Variants in RNF216 observed in about 807,000 individuals in gnomAD.
RNF216 encodes E3 ubiquitin-protein ligase RNF216.
RNF216 carries 72 observed loss-of-function variants against 110.8 expected under a neutral mutation model. That is an observed-to-expected ratio of 0.65 (90% confidence interval 0.54 to 0.79). RNF216 has a LOEUF of 0.79. Among genes scored for constraint, RNF216 ranks in the 30% least tolerant of loss-of-function variants. The pLI is 0.00. For missense variants in RNF216, 1,342 were observed against 1,141.2 expected (o/e 1.18, Z -2.54); for synonymous variants, 495 against 407.5 (o/e 1.21, Z -2.59).
At position 5,623,183 on chromosome 7, in the gene RNF216, A is replaced by G; in HGVS notation, c.2453-4T>C. The G allele has an allele frequency of 6.5e-7, 1 of 1,545,962 alleles. No individual in the cohort carries two copies. Among genetic ancestry groups the G allele is most frequent in the Admixed American group, 1.9e-5 (1 of 53,716 alleles). On this transcript the variant is annotated splice_region_variant and splice_polypyrimidine_tract_variant and intron_variant, in intron 16 of 16. Transcript: ENST00000389902. ...CCAATGCGTTTGAAGGTGTTCTCTG[A>G]AAGGGATGTGGGGATTAGTGGAGAA...
intron 5 of RNF216, among the ~76,000 whole-genome samples, chr7:5,737,822 G>C (rs758860045): frequency 5.9e-5 from 9 of 152,048 alleles, no homozygotes; most frequent in Non-Finnish European, 1.3e-4. Flanking sequence ...GAGCACGGTG[G>C]CTTATGGCTG....
At chr7:5,664,045 G>T (rs778637618) in intron 13 of RNF216, among the ~76,000 whole-genome samples, 1 of 152,156 alleles carries the variant, frequency 6.6e-6, no homozygotes, top group Admixed American at 6.5e-5. Flanking sequence ...TACATCTCAG[G>T]TATCTTTGGA....
chr7:5,704,079 A>G (rs902661320), intron 13 of RNF216, among the ~76,000 whole-genome samples: 10 of 152,226 alleles, frequency 6.6e-5, no homozygotes, highest in Non-Finnish European at 1.0e-4. Context: ...GGGAGCTGAG[A>G]GCCTTGACAA....
rs1004067542 is a variant in RNF216 at position 5,633,836 on chromosome 7, T to G, written c.2382+7318A>C. 4.6e-5 allele frequency among the ~76,000 whole-genome samples: 7 copies of G among 152,076 alleles called. No homozygotes were observed. The East Asian group carries it at 9.7e-4, about 21-fold the overall frequency. ...CTGCACTTGAAGACGGCAAGTGAGGTAGAATTTACCAGAGAGGTTTTAATT... is the reference window on the plus strand; with the variant it reads ...CTGCACTTGAAGACGGCAAGTGAGGGAGAATTTACCAGAGAGGTTTTAATT... On this transcript the variant is annotated intron_variant, in intron 15 of 16. Coordinates refer to ENST00000389902, the MANE Select transcript of RNF216 (RefSeq NM_207111.4).
intron 1 of RNF216, among the ~76,000 whole-genome samples, chr7:5,765,563 G>C (rs567788982): frequency 1.3e-5 from 2 of 152,040 alleles, no homozygotes; most frequent in Non-Finnish European, 2.9e-5. Context: ...CCAGGAGTTC[G>C]ACACTGCAGT....
At chr7:5,623,231 G>C (rs1786502065) in intron 16 of RNF216, 52 bp from the exon 17 acceptor site, 2 of 1,497,252 alleles carry the variant, frequency 1.3e-6, no homozygotes, top group African/African-American at 2.8e-5. Context: ...AACCTCAATG[G>C]AATCTAGCCT....
intron 3 of RNF216, among the ~76,000 whole-genome samples, chr7:5,743,956 A>G (rs951436486): frequency 6.6e-6 from 1 of 152,226 alleles, no homozygotes; most frequent in African/African-American, 2.4e-5. Context: ...ATCATACAGA[A>G]TCCCAAAATT....
rs112285786 is a variant in RNF216, at chr7:5,634,659, C to G, written c.2382+6495G>C. On this transcript the variant is annotated intron_variant, in intron 15 of 16. Transcript: ENST00000389902. The stretch of plus-strand genomic sequence containing the variant: ...TCCTCAGGTCAGACAAGCCCAGCAC[C>G]CAAATACCACTATCTGGAGCACTTC... Among the ~76,000 whole-genome samples the G allele has an allele frequency of 3.3e-3, 510 of 152,326 alleles. 1 individual carries two copies. The highest frequency in any genetic ancestry group is 5.6e-3 in the Non-Finnish European group (379 of 68,032).
chr7:5,723,514 G>T (rs148587513), intron 8 of RNF216, among the ~76,000 whole-genome samples: 1,598 of 152,078 alleles, frequency 0.011, 30 homozygotes, highest in African/African-American at 0.036. Flanking sequence ...GGACTCGGTG[G>T]CGGGCACCTG....
chr7:5,736,102 T>C (rs1300427287), intron 5 of RNF216, among the ~76,000 whole-genome samples: 1 of 116,150 alleles, frequency 8.6e-6, no homozygotes, highest in Non-Finnish European at 1.9e-5. Context: ...CAAAAATAAA[T>C]AAATAGCTCT....
intron 11 of RNF216, 61 bp downstream of exon 11, chr7:5,714,992 T>C (rs1296359251): frequency 3.4e-6 from 5 of 1,481,636 alleles, no homozygotes; most frequent in Admixed American, 1.9e-5. Flanking sequence ...TCTATCAACA[T>C]GGTCTCCTTA....
chr7:5,674,762 G>T (rs1215221148), intron 13 of RNF216, among the ~76,000 whole-genome samples: 18 of 152,248 alleles, frequency 1.2e-4, no homozygotes, highest in Non-Finnish European at 2.2e-4. Context: ...CTAGGAGGCC[G>T]AGGTTGGCAG....
chr7:5,631,240 C>T (rs1261145226), intron 15 of RNF216, among the ~76,000 whole-genome samples: 2 of 152,198 alleles, frequency 1.3e-5, no homozygotes, highest in Admixed American at 6.5e-5. Context: ...GCTCAGCTTA[C>T]CCAGAAGTGC....
chr7:5,772,991 G>A (rs1016996848), intron 1 of RNF216, among the ~76,000 whole-genome samples: 1 of 152,030 alleles, frequency 6.6e-6, no homozygotes, highest in Non-Finnish European at 1.5e-5. Context: ...TGTTGGCCAG[G>A]CTAGTCTCGA....
chr7:5,647,319 T>C (rs1454466933), intron 14 of RNF216, among the ~76,000 whole-genome samples: 1 of 138,082 alleles, frequency 7.2e-6, no homozygotes. Flanking sequence ...ACCTTCATTT[T>C]CTTTCTTTCT....
intron 13 of RNF216, among the ~76,000 whole-genome samples, chr7:5,692,738 C>A (rs1791411154): frequency 6.6e-6 from 1 of 152,198 alleles, no homozygotes; most frequent in Non-Finnish European, 1.5e-5. Context: ...TTTGAAAATA[C>A]ACAAGCATAT....
intron 1 of RNF216, among the ~76,000 whole-genome samples, chr7:5,771,864 C>A (rs55976102): frequency 0.012 from 1,885 of 152,044 alleles, 17 homozygotes; most frequent in Non-Finnish European, 0.021. Context: ...CGGCTGAGTA[C>A]CCCGAGGAAA....
chr7:5,734,801 G>A (rs1205383275), intron 5 of RNF216, among the ~76,000 whole-genome samples: 13 of 135,310 alleles, frequency 9.6e-5, no homozygotes, highest in African/African-American at 1.0e-4. Context: ...TCCAGCTTGG[G>A]CGACAAGGGC....
chr7:5,679,538 T>C (rs1415689335), intron 13 of RNF216, among the ~76,000 whole-genome samples: 3 of 152,202 alleles, frequency 2.0e-5, no homozygotes, highest in African/African-American at 7.2e-5. Flanking sequence ...CAGAGTCCCT[T>C]GAGGGTCCTC....
Sources: allele counts gnomAD v4.1 joint callset (sites outside exome capture counted in the v4.1 genomes callset), GRCh38; gene constraint gnomAD v4.1.1; transcripts MANE v1.5; gene names NCBI Gene and HGNC (gene_info 2026-07-23, HGNC 2026-07-21).